GPATCH2L: variants seen among roughly 807,000 people sequenced by gnomAD.
GPATCH2L encodes G patch domain-containing protein 2-like.
GPATCH2L carries 31 observed loss-of-function variants against 57.4 expected under a neutral mutation model. The observed-to-expected ratio is 0.54, with a 90% CI of 0.41 to 0.73. GPATCH2L has a LOEUF of 0.73. Among genes scored for constraint, GPATCH2L ranks in the 30% least tolerant of loss-of-function variants. The pLI, the probability that GPATCH2L is intolerant of heterozygous loss-of-function variation, is 0.00. For synonymous variants in GPATCH2L, 199 were observed against 210.7 expected (o/e 0.94, Z 0.48); for missense variants, 481 against 599.9 (o/e 0.80, Z 2.07).
chr14:76,196,038 G>A (rs748179971), intron 9 of GPATCH2L, 66 bp downstream of exon 9: 6 of 1,104,598 alleles, frequency 5.4e-6, no homozygotes, highest in Admixed American at 1.7e-5. Context: ...TATGTGTTTT[G>A]TATACCTTTT....
intron 1 of GPATCH2L, among the ~76,000 whole-genome samples, chr14:76,221,377 C>T (rs1459320198): frequency 2.6e-5 from 4 of 152,110 alleles, no homozygotes; most frequent in East Asian, 1.9e-4. Context: ...GCAACAGGAA[C>T]GCTAATGGGA....
chr14:76,188,572 G>C (rs1489098241), intron 8 of GPATCH2L, among the ~76,000 whole-genome samples: 1 of 151,270 alleles, frequency 6.6e-6, no homozygotes, highest in Non-Finnish European at 1.5e-5. Context: ...TTTCTACAGG[G>C]TTGTTTGAGC....
At chr14:76,180,935 G>A (rs2139717661) in intron 8 of GPATCH2L, 86 bp downstream of exon 8, 6 of 808,326 alleles carry the variant, frequency 7.4e-6, no homozygotes, top group South Asian at 5.9e-5. Flanking sequence ...GTATGCTTGT[G>A]TACAGTATCC....
chr14:76,197,876 ACT>A, intron 9 of GPATCH2L, among the ~76,000 whole-genome samples: 1 of 151,672 alleles, frequency 6.6e-6, no homozygotes, highest in Middle Eastern at 3.4e-3. Flanking sequence ...CTCTGCCAAC[ACT>A]CTCCCCTGTC....
At chr14:76,224,719 G>C (rs1465474202) in intron 1 of GPATCH2L, among the ~76,000 whole-genome samples, 2 of 152,098 alleles carry the variant, frequency 1.3e-5, no homozygotes, top group Non-Finnish European at 2.9e-5. Flanking sequence ...AGACTGCAAA[G>C]CATATGATTG....
downstream of GPATCH2L, among the ~76,000 whole-genome samples, chr14:76,214,638 A>G (rs1488477860): frequency 6.6e-6 from 1 of 152,048 alleles, no homozygotes; most frequent in Admixed American, 6.6e-5. Context: ...AAGGGCATAA[A>G]TCCCAATCAC....
intron 4 of GPATCH2L, among the ~76,000 whole-genome samples, chr14:76,172,479 C>T (rs2039131143): frequency 6.6e-6 from 1 of 152,142 alleles, no homozygotes; most frequent in South Asian, 2.1e-4. Flanking sequence ...CCTATTGGGA[C>T]TTTAACACAA....
intron 8 of GPATCH2L, among the ~76,000 whole-genome samples, chr14:76,195,649 A>G (rs564045060): frequency 2.0e-5 from 3 of 152,324 alleles, no homozygotes; most frequent in African/African-American, 7.2e-5. Flanking sequence ...TTAATCTTGA[A>G]TGTCTGCTAC....
At chr14:76,221,051 A>C (rs1227149024) in intron 1 of GPATCH2L, among the ~76,000 whole-genome samples, 3 of 152,004 alleles carry the variant, frequency 2.0e-5, no homozygotes, top group Middle Eastern at 3.2e-3. Flanking sequence ...TTTAAAAAAA[A>C]AAAAGTCAAA....
At chr14:76,178,664 G>A in intron 7 of GPATCH2L, 1 of 156,532 alleles carries the variant, frequency 6.4e-6, no homozygotes, top group Non-Finnish European at 1.4e-5. Context: ...TCCCTCTCAT[G>A]CTCGGTTCAC....
chr14:76,154,487 C>A lies in GPATCH2L; in HGVS notation c.124C>A (p.Arg42Ser), dbSNP rs777211503. The A allele has an allele frequency of 6.2e-7, 1 of 1,614,190 alleles. No homozygotes were observed. Among genetic ancestry groups the A allele is most frequent in the Non-Finnish European group, 8.5e-7 (1 of 1,180,038 alleles). The change falls in exon 2 of 10, where the codon CGC (arginine) becomes AGC (serine). Residue 42 changes from arginine to serine, a missense_variant. Arg to Ser is a moderately radical substitution (Grantham distance 110). Coordinates refer to ENST00000261530, the MANE Select transcript of GPATCH2L (RefSeq NM_017926.4). This position sits in a 1 kb window ranked among gnomAD's most constrained non-coding sequence, Gnocchi z 4.4. ...PRQQRRQLRK[R>S]RGRKRRSDFT... The stretch of plus-strand genomic sequence containing the variant: ...ACAGCAGAGGCGGCAGCTTCGGAAA[C>A]GCCGAGGTCGGAAGCGTCGTTCTGA...
At chr14:76,192,991 T>C (rs914701893) in intron 8 of GPATCH2L, among the ~76,000 whole-genome samples, 8 of 151,996 alleles carry the variant, frequency 5.3e-5, no homozygotes, top group Non-Finnish European at 8.8e-5. Flanking sequence ...TCACTTAATG[T>C]AGAGACAATT....
chr14:76,234,027 T>C (rs966930974), intron 2 of GPATCH2L, among the ~76,000 whole-genome samples: 1 of 152,190 alleles, frequency 6.6e-6, no homozygotes, highest in African/African-American at 2.4e-5. Flanking sequence ...GGAGGATCAC[T>C]TGAGCCCAGG....
intron 8 of GPATCH2L, among the ~76,000 whole-genome samples, chr14:76,183,200 A>C (rs961212623): frequency 6.6e-6 from 1 of 151,910 alleles, no homozygotes; most frequent in Non-Finnish European, 1.5e-5. Flanking sequence ...CACTGTCTTC[A>C]CTCTTTTGCC....
rs60488808 is a variant in GPATCH2L, at chr14:76,231,622, T to TACACACACACACACACACACAC, written c.*117+1676_*117+1697dup. 3.2e-3 allele frequency among the ~76,000 whole-genome samples: 468 copies of TACACACACACACACACACACAC among 147,456 alleles called. 3 individuals are homozygous for TACACACACACACACACACACAC. Among genetic ancestry groups the TACACACACACACACACACACAC allele is most frequent in the Non-Finnish European group, 4.8e-3 (325 of 67,122 alleles). ...TGGCTAAAATTAGAAACTAAACACA[T>TACACACACACACACACACACAC]ACACACACACACACACACACACACA... On this transcript the variant is annotated intron_variant and NMD_transcript_variant, in intron 2 of 3. Transcript: ENST00000556372.
chr14:76,219,005 C>CAA (rs572896740), downstream of GPATCH2L, among the ~76,000 whole-genome samples: 5,908 of 73,660 alleles, frequency 0.08, 156 homozygotes, highest in Admixed American at 0.15. Context: ...TCTAAAAGTA[C>CAA]AAAAAAAAAA....
chr14:76,156,812 C>G (rs906228257), intron 2 of GPATCH2L, among the ~76,000 whole-genome samples: 1 of 152,186 alleles, frequency 6.6e-6, no homozygotes, highest in African/African-American at 2.4e-5. Flanking sequence ...GCTCTAACAG[C>G]CCAAGTATGG....
In GPATCH2L at chr14:76,210,002, T is replaced by C. The variant is rs1430200120; in HGVS notation, c.*8151T>C. ...CCAGAACCATTGCCCCAGTCACTGA[T>C]TGAACAAACATTTACTGAACACTGA... is the stretch of plus-strand genomic sequence containing the variant. On this transcript the variant is annotated 3_prime_UTR_variant, in exon 10 of 10. Coordinates refer to ENST00000261530, the MANE Select transcript of GPATCH2L (RefSeq NM_017926.4). The C allele has an allele frequency of 6.6e-6, 1 of 152,208 alleles. No individual in the cohort carries two copies. The highest frequency in any genetic ancestry group is 2.4e-5 in the African/African-American group (1 of 41,444). 9.4% of individuals were successfully genotyped at this position (152,208 alleles called of 1,614,324 possible).
downstream of GPATCH2L, among the ~76,000 whole-genome samples, chr14:76,215,342 A>C (rs914134864): frequency 3.9e-5 from 6 of 152,160 alleles, no homozygotes; most frequent in African/African-American, 4.8e-5. Context: ...TTCAACCATT[A>C]TGGAAGTCAG....
Sources: allele counts gnomAD v4.1 joint callset (sites outside exome capture counted in the v4.1 genomes callset), GRCh38; gene constraint gnomAD v4.1.1; non-coding constraint Gnocchi (gnomAD v3.1); transcripts MANE v1.5; gene names NCBI Gene and HGNC (gene_info 2026-07-23, HGNC 2026-07-21).